The following LYG1 variants were observed in gnomAD, a reference collection of about 807,000 sequenced individuals.
LYG1 encodes lysozyme g1.
LYG1 carries 17 observed loss-of-function variants against 21.7 expected under a neutral mutation model. The ratio of observed to expected loss-of-function variants is 0.78; its 90% CI spans 0.54 to 1.18. The LOEUF is 1.18. Among genes scored for constraint, LYG1 ranks in the 50% most tolerant of loss-of-function variants. The pLI, the probability that LYG1 is intolerant of heterozygous loss-of-function variation, is 0.00. For missense variants in LYG1, 211 were observed against 238.1 expected (o/e 0.89, Z 0.75); for synonymous variants, 81 against 87.4 (o/e 0.93, Z 0.41).
In LYG1 at chr2:99,292,703, G is replaced by A. The variant is rs550800181; in HGVS notation, c.44-63C>T. ...TAGTTCTCATCATTCTTCTGTCCATGAATAAAATTACATTAATAAAAGTAA... is the reference window on the plus strand; with the variant it reads ...TAGTTCTCATCATTCTTCTGTCCATAAATAAAATTACATTAATAAAAGTAA... On this transcript the variant is annotated intron_variant, in intron 3 of 6. Transcript: ENST00000308528. 20 of 1,011,484 alleles carry A rather than the reference G, an allele frequency of 2.0e-5. No homozygotes were observed. The East Asian group carries it at 4.5e-4, about 23-fold the overall frequency. The allele number at this position is 1,011,484 out of a possible 1,614,324, so 62.7% of individuals were successfully genotyped here. A position where few individuals can be genotyped will look rare whatever the true frequency, so the allele number is the denominator to read the frequency against.
In LYG1 at chr2:99,284,804, G is replaced by A. The variant is rs773077560; in HGVS notation, c.350C>T (p.Ala117Val). The change falls in exon 6 of 7, where the codon GCT becomes GTT. Residue 117 changes from alanine to valine, a missense_variant. Transcript: ENST00000308528. The part of the protein sequence containing the change: ...TSMVQDPGSQ[A>V]PTSWISESQV... The stretch of plus-strand genomic sequence containing the variant: ...AGACTCACTAATCCAGGATGTGGGA[G>A]CTTGAGAGCCAGGGTCCTGCAGGGA... 8.1e-6 allele frequency: 13 copies of A among 1,613,042 alleles called. No individual in the cohort carries two copies. Among genetic ancestry groups the A allele is most frequent in the Middle Eastern group, 1.9e-4 (1 of 5,264 alleles).
intron 3 of LYG1, 85 bp downstream of exon 3, chr2:99,295,543 A>G (rs2094133806): frequency 6.7e-7 from 1 of 1,484,510 alleles, no homozygotes; most frequent in East Asian, 2.3e-5. Context: ...TTTTTGTTGC[A>G]TTTTCAAGTA....
At chr2:99,295,752 A>G in intron 2 of LYG1, 50 bp from the exon 3 acceptor site, 1 of 1,531,166 alleles carries the variant, frequency 6.5e-7, no homozygotes, top group Non-Finnish European at 9.1e-7. Flanking sequence ...AGTCATCATC[A>G]TAACCACATG....
At chr2:99,288,926 C>T (rs1006875165) in intron 5 of LYG1, among the ~76,000 whole-genome samples, 1 of 152,120 alleles carries the variant, frequency 6.6e-6, no homozygotes. Flanking sequence ...CTCTCTGATC[C>T]TTTGTCTCCC....
chr2:99,284,288 T>C lies in LYG1; in HGVS notation c.*105A>G. 1.1e-6 allele frequency: 1 copy of C among 931,870 alleles called. No homozygotes were observed. Among genetic ancestry groups the C allele is most frequent in the South Asian group, 1.5e-5 (1 of 64,936 alleles). The allele number at this position is 931,870 out of a possible 1,614,324, so 57.7% of individuals were successfully genotyped here. A position where few individuals can be genotyped will look rare whatever the true frequency, so the allele number is the denominator to read the frequency against. ...GTGATTCATGTTATTTTAATGACTTTTAGGTCAAACTCAGATTCCCAGTTA... is the reference window on the plus strand; with the variant it reads ...GTGATTCATGTTATTTTAATGACTTCTAGGTCAAACTCAGATTCCCAGTTA... On this transcript the variant is annotated 3_prime_UTR_variant, in exon 7 of 7. Transcript: ENST00000308528.
At chr2:99,284,928 A>C (rs1263075274) in intron 5 of LYG1, 108 bp from the exon 6 acceptor site, 4 of 1,417,446 alleles carry the variant, frequency 2.8e-6, no homozygotes, top group South Asian at 1.4e-5. Context: ...TTCTCCTTTC[A>C]CCTTTGATGG....
chr2:99,295,207 TTA>T (rs1459644853), intron 3 of LYG1, among the ~76,000 whole-genome samples: 1 of 152,230 alleles, frequency 6.6e-6, no homozygotes, highest in Non-Finnish European at 1.5e-5. Flanking sequence ...GCCTCAGTGA[TTA>T]GCTTAGTCAT....
At chr2:99,284,612 G>A (rs2094091907) in intron 6 of LYG1, 76 bp downstream of exon 6, 2 of 1,593,246 alleles carry the variant, frequency 1.3e-6, no homozygotes, top group Non-Finnish European at 8.6e-7. Context: ...GAGTTTCGGG[G>A]AATCTGGTGC....
intron 3 of LYG1, among the ~76,000 whole-genome samples, chr2:99,292,927 G>T (rs1416106491): frequency 6.6e-6 from 1 of 151,200 alleles, no homozygotes; most frequent in Non-Finnish European, 1.5e-5. Context: ...ATGTTGTCAG[G>T]TGGTATCTTG....
At chr2:99,298,604 C>A (rs1292676174) in intron 1 of LYG1, 55 bp from the exon 2 acceptor site, 16 of 152,160 alleles carry the variant, frequency 1.1e-4, no homozygotes, top group Non-Finnish European at 4.4e-5. Context: ...ACCTTAGAAA[C>A]TTTTCCATGA....
At chr2:99,298,903 T>A (rs1457762571) in intron 1 of LYG1, among the ~76,000 whole-genome samples, 1 of 152,168 alleles carries the variant, frequency 6.6e-6, no homozygotes, top group Non-Finnish European at 1.5e-5. Flanking sequence ...TTTTTAATTT[T>A]AATTTTAATT....
chr2:99,294,717 A>C (rs1047062707), intron 3 of LYG1, among the ~76,000 whole-genome samples: 1 of 152,230 alleles, frequency 6.6e-6, no homozygotes, highest in Non-Finnish European at 1.5e-5. Context: ...TGGGTCAATA[A>C]CTAAATGAAT....
intron 2 of LYG1, among the ~76,000 whole-genome samples, chr2:99,297,634 CT>C (rs796145330): frequency 2.6e-4 from 40 of 152,330 alleles, no homozygotes; most frequent in African/African-American, 8.7e-4. Flanking sequence ...CACAGAATTA[CT>C]TTCTAGTTGC....
chr2:99,299,781 A>T (rs1406431612), intron 1 of LYG1, among the ~76,000 whole-genome samples: 4 of 151,140 alleles, frequency 2.6e-5, no homozygotes, highest in Non-Finnish European at 3.0e-5. Context: ...TGTTTTTTTA[A>T]AATTTTTAAA....
chr2:99,297,715 T>G lies in LYG1; in HGVS notation c.-33+744A>C, dbSNP rs77852224. Among the ~76,000 whole-genome samples, 441 of 126,218 alleles carry G rather than the reference T, an allele frequency of 3.5e-3. 2 individuals carry two copies. The highest frequency in any genetic ancestry group is 0.011 in the African/African-American group (414 of 38,136). 82.8% of individuals were successfully genotyped at this position (126,218 alleles called of 152,430 possible). On this transcript the variant is annotated intron_variant, in intron 2 of 6. Transcript: ENST00000308528. ...GGAAGAGCAAGAAGTGACAATGGAA[T>G]TTTTCTTTTTTTTCTTAGAGCCAGA...
chr2:99,297,689 G>A (rs2094140906), intron 2 of LYG1, among the ~76,000 whole-genome samples: 1 of 151,744 alleles, frequency 6.6e-6, no homozygotes, highest in Non-Finnish European at 1.5e-5. Flanking sequence ...AATTTCATCA[G>A]GGAAGAGCAA....
intron 3 of LYG1, among the ~76,000 whole-genome samples, chr2:99,293,170 T>C (rs1380341785): frequency 2.0e-5 from 3 of 152,030 alleles, no homozygotes; most frequent in Admixed American, 1.3e-4. Flanking sequence ...TTTTGTATTT[T>C]TAGTAGAGAC....
chr2:99,297,465 A>G (rs2094140237), intron 2 of LYG1, among the ~76,000 whole-genome samples: 1 of 152,312 alleles, frequency 6.6e-6, no homozygotes, highest in Non-Finnish European at 1.5e-5. Flanking sequence ...CTTTTCCAGG[A>G]AAGAAAAAAT....
chr2:99,288,694 G>A (rs1169317016), intron 5 of LYG1, among the ~76,000 whole-genome samples: 1 of 152,044 alleles, frequency 6.6e-6, no homozygotes, highest in Non-Finnish European at 1.5e-5. Context: ...TCAGCCTCCT[G>A]CGTAGCTGGG....
Sources: gnomAD v4.1 joint callset for allele counts (sites outside exome capture counted in the v4.1 genomes callset) on GRCh38, gnomAD v4.1.1 for gene constraint, MANE v1.5 for transcripts, NCBI Gene and HGNC (gene_info 2026-07-23, HGNC 2026-07-21) for gene names.